Variants in GCGR observed in about 807,000 individuals in gnomAD.
GCGR encodes the protein glucagon receptor.
Under a neutral mutation model 56.1 loss-of-function variants are expected in GCGR, and 41 were observed. The ratio of observed to expected loss-of-function variants is 0.73; its 90% CI spans 0.57 to 0.95. GCGR has a LOEUF of 0.95. Ranked by LOEUF, GCGR falls within the 40% of genes least tolerant of loss-of-function variation. The pLI, the probability that GCGR is intolerant of heterozygous loss-of-function variation, is 0.00. For missense variants in GCGR, 595 were observed against 638.2 expected (o/e 0.93, Z 0.73); for synonymous variants, 278 against 271.1 (o/e 1.03, Z -0.25).
Position 81,812,224 on chromosome 17 carries a change from T to C in GCGR, c.920T>C (p.Leu307Pro), listed in dbSNP as rs373391581. 2.9e-5 allele frequency: 44 copies of C among 1,535,998 alleles called. No individual in the cohort carries two copies. The African/African-American group carries it at 5.3e-4, about 19-fold the overall frequency. Reference sequence around the variant, plus strand: ...GACAACATGGGCTTCTGGTGGATCCTGCGGTTCCCCGTCTTCCTGGCCATC... The same window carrying C: ...GACAACATGGGCTTCTGGTGGATCCCGCGGTTCCCCGTCTTCCTGGCCATC... The part of the protein sequence containing the change: ...SNDNMGFWWI[L>P]RFPVFLAILI... Residue 307 changes from leucine (L) to proline (P), a missense_variant, in exon 10 of 14, where the codon CTG becomes CCG. Coordinates refer to ENST00000400723, the MANE Select transcript of GCGR (RefSeq NM_000160.5). This position sits in a 1 kb window ranked among gnomAD's most constrained non-coding sequence, Gnocchi z 8.5.
Position 81,811,570 on chromosome 17 carries a change from C to G in GCGR, c.657+10C>G, listed in dbSNP as rs771987875. 1.3e-6 allele frequency: 2 copies of G among 1,536,236 alleles called. No individual in the cohort carries two copies. Among genetic ancestry groups the G allele is most frequent in the South Asian group, 1.2e-5 (1 of 84,058 alleles). On this transcript the variant is annotated intron_variant, in intron 7 of 13. Transcript: ENST00000400723. This position sits in a 1 kb window ranked among gnomAD's most constrained non-coding sequence, Gnocchi z 5.8. ...CTGGCTCAGTGATGGAGTGAGCCCC[C>G]CTCGGCGGCCCCAGGCAGGTGGGTG...
intron 1 of GCGR, chr17:81,805,235 T>G (rs2037931254): frequency 1.3e-5 from 2 of 152,310 alleles, no homozygotes; most frequent in Admixed American, 6.5e-5. Flanking sequence ...CAGCTCCAGG[T>G]CTGCGGGTCC....
In GCGR at chr17:81,811,347, C is replaced by G. The variant is rs1409118348; in HGVS notation, c.500+19C>G. 2 of 1,534,500 alleles carry G rather than the reference C, an allele frequency of 1.3e-6. No homozygotes were observed. Among genetic ancestry groups the G allele is most frequent in the Non-Finnish European group, 1.7e-6 (2 of 1,145,544 alleles). On this transcript the variant is annotated intron_variant, in intron 6 of 13. Transcript: ENST00000400723. This position sits in a 1 kb window ranked among gnomAD's most constrained non-coding sequence, Gnocchi z 5.8. ...GCCTCAGGTAGGATTCCGCCAGCGC[C>G]CGGGGCGGCCGCAGAGGACAGGGAG...
chr17:81,807,482 G>A (rs959508577), intron 1 of GCGR, among the ~76,000 whole-genome samples: 1 of 152,222 alleles, frequency 6.6e-6, no homozygotes, highest in Non-Finnish European at 1.5e-5. Context: ...GCTACCTGGA[G>A]GAGGCTAAAA....
chr17:81,808,165 C>G (rs2038000208), intron 1 of GCGR, among the ~76,000 whole-genome samples: 1 of 152,242 alleles, frequency 6.6e-6, no homozygotes, highest in Non-Finnish European at 1.5e-5. Context: ...CAGCTGCAAG[C>G]CAGCCCAGCC....
Position 81,813,193 on chromosome 17 carries a change from C to A in GCGR, c.1218+136C>A. The A allele has an allele frequency of 7.3e-7, 1 of 1,366,480 alleles. No individual in the cohort carries two copies. Among genetic ancestry groups the A allele is most frequent in the Non-Finnish European group, 1.0e-6 (1 of 995,564 alleles). The allele number at this position is 1,366,480 out of a possible 1,614,324, so 84.6% of individuals were successfully genotyped here. On this transcript the variant is annotated intron_variant, in intron 13 of 13. Transcript: ENST00000400723. The surrounding 1 kb of genome is among the most constrained non-coding windows in gnomAD (Gnocchi z 5.3). ...GGGCCCAAGCCTTTCCCTCCCCCTG[C>A]TCTTATTGGGTGCAGTTGCCATGGC...
chr17:81,811,876 C>T lies in GCGR; in HGVS notation c.818-10C>T. The T allele has an allele frequency of 6.5e-7, 1 of 1,537,036 alleles. No individual in the cohort carries two copies. Among genetic ancestry groups the T allele is most frequent in the Non-Finnish European group, 8.7e-7 (1 of 1,146,874 alleles). On this transcript the variant is annotated splice_polypyrimidine_tract_variant and intron_variant, in intron 8 of 13. Coordinates refer to ENST00000400723, the MANE Select transcript of GCGR (RefSeq NM_000160.5). This position sits in a 1 kb window ranked among gnomAD's most constrained non-coding sequence, Gnocchi z 5.8. Reference sequence around the variant, plus strand: ...CAAGCCTTTGGGACCACAGCTGCTGCCCCCCACAGGTGCCCCCATGCTGTT... The same window carrying T: ...CAAGCCTTTGGGACCACAGCTGCTGTCCCCCACAGGTGCCCCCATGCTGTT...
At position 81,813,922 on chromosome 17, in the gene GCGR, G is replaced by A. The variant is rs924531298; in HGVS notation, c.*233G>A. On this transcript the variant is annotated 3_prime_UTR_variant, in exon 14 of 14. Coordinates refer to ENST00000400723, the MANE Select transcript of GCGR (RefSeq NM_000160.5). The surrounding 1 kb of genome is among the most constrained non-coding windows in gnomAD (Gnocchi z 5.3). ...CCAGGGCGGGAGTGGGGGCTGTGCC[G>A]TGAACTGCGTGCCAGTGTCCCCACG... 7.0e-6 allele frequency: 4 copies of A among 572,022 alleles called. No homozygotes were observed. The highest frequency in any genetic ancestry group is 1.2e-5 in the Non-Finnish European group (4 of 320,388). 35.4% of individuals were successfully genotyped at this position (572,022 alleles called of 1,614,324 possible). A position where few individuals can be genotyped will look rare whatever the true frequency, so the allele number is the denominator to read the frequency against.
At chr17:81,809,430 T>TCTGC (rs2038037828) in intron 2 of GCGR, among the ~76,000 whole-genome samples, 1 of 138,680 alleles carries the variant, frequency 7.2e-6, no homozygotes, top group Non-Finnish European at 1.5e-5. Flanking sequence ...TGCCTGTCCG[T>TCTGC]CTGCCTGTCC....
rs1353803358 is a variant in GCGR at position 81,811,564 on chromosome 17, AG to A, written c.657+5del. The A allele has an allele frequency of 4.6e-6, 7 of 1,536,200 alleles. No individual in the cohort carries two copies. The highest frequency in any genetic ancestry group is 6.1e-6 in the Non-Finnish European group (7 of 1,146,796). On this transcript the variant is annotated splice_donor_5th_base_variant and intron_variant, in intron 7 of 13. Transcript: ENST00000400723. The surrounding 1 kb of genome is among the most constrained non-coding windows in gnomAD (Gnocchi z 5.8). ...CAGCACCTGGCTCAGTGATGGAGTG[AG>A]CCCCCCTCGGCGGCCCCAGGCAGGT...
intron 1 of GCGR, among the ~76,000 whole-genome samples, chr17:81,808,517 T>TG (rs1029609965): frequency 7.5e-6 from 1 of 132,796 alleles, no homozygotes. Context: ...TATCGCCCTC[T>TG]TTTTTTTTTT....
At position 81,809,745 on chromosome 17, in the gene GCGR, G is replaced by GCC. The variant is rs761305271; in HGVS notation, c.61-37_61-36insCC. 3.4e-6 allele frequency: 5 copies of GCC among 1,488,186 alleles called. No homozygotes were observed. In the Admixed American group the frequency reaches 7.9e-5, roughly 23 times the overall value. The allele number at this position is 1,488,186 out of a possible 1,614,324, so 92.2% of individuals were successfully genotyped here. A position where few individuals can be genotyped will look rare whatever the true frequency, so the allele number is the denominator to read the frequency against. Reference sequence around the variant, plus strand: ...TGCCTGTCTGTCTGCCTGCCTGTCTGTCTGTCTGTCTGGTTGCTTGTGCAT... The same window carrying GCC: ...TGCCTGTCTGTCTGCCTGCCTGTCTGCCTCTGTCTGTCTGGTTGCTTGTGCAT... On this transcript the variant is annotated intron_variant, in intron 2 of 13. Transcript: ENST00000400723.
rs1044614800 is a variant in GCGR at position 81,812,327 on chromosome 17, G to C, written c.948+75G>C. On this transcript the variant is annotated intron_variant, in intron 10 of 13. Coordinates refer to ENST00000400723, the MANE Select transcript of GCGR (RefSeq NM_000160.5). This position sits in a 1 kb window ranked among gnomAD's most constrained non-coding sequence, Gnocchi z 8.5. ...CGTCCTGAGGCTGCCCCAGGAGACA[G>C]CAGCATCCTGTCTGAGAGCGCTGGG... The C allele has an allele frequency of 1.4e-6, 2 of 1,481,428 alleles. No homozygotes were observed. Among genetic ancestry groups the C allele is most frequent in the Non-Finnish European group, 1.8e-6 (2 of 1,099,346 alleles). The allele number at this position is 1,481,428 out of a possible 1,614,324, so 91.8% of individuals were successfully genotyped here.
intron 1 of GCGR, among the ~76,000 whole-genome samples, chr17:81,808,437 C>T (rs955691836): frequency 1.3e-5 from 2 of 151,742 alleles, no homozygotes; most frequent in African/African-American, 2.4e-5. Context: ...AGGGGCTCTG[C>T]GACCCTCAGA....
chr17:81,808,969 C>A lies in GCGR; in HGVS notation c.-50C>A. 6.5e-7 allele frequency: 1 copy of A among 1,533,498 alleles called. No individual in the cohort carries two copies. The highest frequency in any genetic ancestry group is 2.0e-5 in the Admixed American group (1 of 51,004). 95.0% of individuals were successfully genotyped at this position (1,533,498 alleles called of 1,614,324 possible). On this transcript the variant is annotated 5_prime_UTR_variant, in exon 2 of 14. Transcript: ENST00000400723. Reference sequence around the variant, plus strand: ...CACACCCACCAGGACTGCATTGCCCCAGCTGTGCAGCCCCTGCCAGATGTG... The same window carrying A: ...CACACCCACCAGGACTGCATTGCCCAAGCTGTGCAGCCCCTGCCAGATGTG...
chr17:81,810,928 C>T lies in GCGR; in HGVS notation c.267C>T (p.His89=). The change falls in exon 4 of 14, where the codon CAC becomes CAT. Residue 89 remains histidine (H), a synonymous_variant. Coordinates refer to ENST00000400723, the MANE Select transcript of GCGR (RefSeq NM_000160.5). This position sits in a 1 kb window ranked among gnomAD's most constrained non-coding sequence, Gnocchi z 4.6. The part of the protein sequence containing the change: ...ISCPWYLPWH[H]KVQHRFVFKR... ...GCCCCTGGTACCTGCCTTGGCACCA[C>T]AAAGGTACCCATAGAGGGGAGGAAC... 1 of 1,485,088 alleles carries T rather than the reference C, an allele frequency of 6.7e-7. No homozygotes were observed. The allele number at this position is 1,485,088 out of a possible 1,614,324, so 92.0% of individuals were successfully genotyped here.
rs2037964987 is a variant in GCGR at position 81,806,338 on chromosome 17, A to G, written c.-178+2089A>G. ...TATTCAGAGGCCCTGACCCCTAGGG[A>G]TCCGGGACTAGGGGTGCCCTATGGG... On this transcript the variant is annotated intron_variant, in intron 1 of 13. Coordinates refer to ENST00000400723, the MANE Select transcript of GCGR (RefSeq NM_000160.5). The surrounding 1 kb of genome is among the most constrained non-coding windows in gnomAD (Gnocchi z 6.5). 6.6e-6 allele frequency among the ~76,000 whole-genome samples: 1 copy of G among 152,070 alleles called. No homozygotes were observed. Among genetic ancestry groups the G allele is most frequent in the South Asian group, 2.1e-4 (1 of 4,826 alleles).
Position 81,811,557 on chromosome 17 carries a change from T to C in GCGR, c.654T>C (p.Asp218=), listed in dbSNP as rs778766138. ...DDLSVSTWLS[D]GAVAGCRVAA... is the part of the protein sequence containing the mutation. ...TCAGTGTCAGCACCTGGCTCAGTGA[T>C]GGAGTGAGCCCCCCTCGGCGGCCCC... Residue 218 remains aspartate (D), a synonymous_variant, in exon 7 of 14, where the codon GAT becomes GAC. Transcript: ENST00000400723. The surrounding 1 kb of genome is among the most constrained non-coding windows in gnomAD (Gnocchi z 5.8). 86 of 1,536,134 alleles carry C rather than the reference T, an allele frequency of 5.6e-5. No individual in the cohort carries two copies. The highest frequency in any genetic ancestry group is 7.1e-5 in the Non-Finnish European group (81 of 1,146,822).
At position 81,812,307 on chromosome 17, in the gene GCGR, T is replaced by C. The variant is rs1368536539; in HGVS notation, c.948+55T>C. On this transcript the variant is annotated intron_variant, in intron 10 of 13. Transcript: ENST00000400723. This position sits in a 1 kb window ranked among gnomAD's most constrained non-coding sequence, Gnocchi z 8.5. ...CCAGGCCCCTCCTCCCTTGGCGTCC[T>C]GAGGCTGCCCCAGGAGACAGCAGCA... 2 of 1,522,642 alleles carry C rather than the reference T, an allele frequency of 1.3e-6. No individual in the cohort carries two copies. The highest frequency in any genetic ancestry group is 1.8e-6 in the Non-Finnish European group (2 of 1,136,370). The allele number at this position is 1,522,642 out of a possible 1,614,324, so 94.3% of individuals were successfully genotyped here.
Sources: allele counts gnomAD v4.1 joint callset (sites outside exome capture counted in the v4.1 genomes callset), GRCh38; gene constraint gnomAD v4.1.1; non-coding constraint Gnocchi (gnomAD v3.1); transcripts MANE v1.5; gene names NCBI Gene and HGNC (gene_info 2026-07-23, HGNC 2026-07-21).